Variants in KIAA1217 observed in about 807,000 individuals in gnomAD.
The protein encoded by KIAA1217 is sickle tail protein homolog.
In KIAA1217, 88 loss-of-function variants were observed where a neutral mutation model predicts 163.9. The ratio of observed to expected loss-of-function variants is 0.54; its 90% confidence interval spans 0.45 to 0.64. The LOEUF (loss-of-function observed/expected upper bound fraction) is 0.64, where lower values mean the gene tolerates loss of function less well. Among genes scored for constraint, KIAA1217 ranks in the 30% least tolerant of loss-of-function variants. KIAA1217 has a pLI of 0.00. For synonymous variants in KIAA1217, 903 were observed against 923.1 expected, an observed-to-expected ratio of 0.98 and a Z score of 0.39; for missense variants, 2,372 against 2,475.0, an observed-to-expected ratio of 0.96 and a Z score of 0.88.
At chr10:24,205,597 C>T (rs994957895), upstream of KIAA1217, among the ~76,000 whole-genome samples, 1 of 151,860 alleles carries the variant, frequency 6.6e-6, no homozygotes, top group Admixed American at 6.6e-5. Flanking sequence ...CACGGTGAAA[C>T]CCCATCTCTA....
chr10:23,873,708 C>T (rs1205757758), intron 1 of KIAA1217, among the ~76,000 whole-genome samples: 1 of 151,924 alleles, frequency 6.6e-6, no homozygotes. Context: ...CTCTCTCTCT[C>T]TTTCCCTCTG....
At chr10:24,223,319 C>T (rs553444237) in intron 2 of KIAA1217, among the ~76,000 whole-genome samples, 12 of 152,270 alleles carry the variant, frequency 7.9e-5, no homozygotes, top group African/African-American at 2.2e-4. Context: ...CACCAGAGAT[C>T]GGTGTAGACA....
intron 1 of KIAA1217, among the ~76,000 whole-genome samples, chr10:23,895,667 A>T (rs553447421): frequency 6.6e-6 from 1 of 152,132 alleles, no homozygotes; most frequent in African/African-American, 2.4e-5. Flanking sequence ...ACTGTAAATT[A>T]TGCTGCTATA....
At chr10:24,401,939 G>T (rs1369871741) in intron 3 of KIAA1217, among the ~76,000 whole-genome samples, 3 of 152,096 alleles carry the variant, frequency 2.0e-5, no homozygotes, top group Non-Finnish European at 4.4e-5. Flanking sequence ...AAAAAACACA[G>T]TACCATTTAC....
chr10:24,382,690 A>C (rs986500539), intron 3 of KIAA1217, among the ~76,000 whole-genome samples: 3 of 152,056 alleles, frequency 2.0e-5, no homozygotes, highest in Non-Finnish European at 4.4e-5. Context: ...TCCCATTAAC[A>C]TGATCTTACA....
intron 1 of KIAA1217, among the ~76,000 whole-genome samples, chr10:24,219,271 G>A (rs1284972145): frequency 8.6e-5 from 13 of 152,004 alleles, no homozygotes; most frequent in African/African-American, 2.7e-4. Context: ...GCACCACTAC[G>A]CCTGGCTAAT....
chr10:23,905,738 T>C lies in KIAA1217; in HGVS notation c.-320-101487T>C, dbSNP rs950377014. ...GACTATATCATTCACTAAACAGTAG[T>C]ATCATTACCACCATCCCCAATGACT... is the stretch of plus-strand genomic sequence containing the variant. On this transcript the variant is annotated intron_variant, in intron 1 of 18. Transcript: ENST00000376462. Among the ~76,000 whole-genome samples, 5 of 152,234 alleles carry C rather than the reference T, an allele frequency of 3.3e-5. No homozygotes were observed. In the East Asian group the frequency reaches 7.7e-4, roughly 24 times the overall value.
chr10:24,308,959 C>T lies in KIAA1217; in HGVS notation c.355-71910C>T, dbSNP rs547698504. 7.2e-5 allele frequency among the ~76,000 whole-genome samples: 11 copies of T among 151,914 alleles called. No homozygotes were observed. The South Asian group carries it at 2.1e-3, about 29-fold the overall frequency. On this transcript the variant is annotated intron_variant, in intron 2 of 20. Coordinates refer to ENST00000376454, the MANE Select transcript of KIAA1217 (RefSeq NM_019590.5). Reference sequence around the variant, plus strand: ...CCAACATGGTGAAATGCTGTCTCTACTAAAATTTCAAAAATTAGCTAGGCA... The same window carrying T: ...CCAACATGGTGAAATGCTGTCTCTATTAAAATTTCAAAAATTAGCTAGGCA...
chr10:23,716,621 C>T (rs1392853675), intron 1 of KIAA1217, among the ~76,000 whole-genome samples: 1 of 152,174 alleles, frequency 6.6e-6, no homozygotes, highest in Non-Finnish European at 1.5e-5. Flanking sequence ...TTCCCCACCT[C>T]CAGCCTGGAC....
At chr10:24,443,730 A>G (rs1476334992) in intron 5 of KIAA1217, among the ~76,000 whole-genome samples, 1 of 152,208 alleles carries the variant, frequency 6.6e-6, no homozygotes, top group Non-Finnish European at 1.5e-5. Context: ...ATCAGGAGAT[A>G]TTAAGGGATA....
At chr10:23,780,596 A>T (rs531626827) in intron 1 of KIAA1217, among the ~76,000 whole-genome samples, 2 of 152,340 alleles carry the variant, frequency 1.3e-5, no homozygotes, top group South Asian at 4.1e-4. Flanking sequence ...AAAAGGCAAG[A>T]TCTTCTTTCT....
intron 1 of KIAA1217, among the ~76,000 whole-genome samples, chr10:23,946,535 A>G (rs969852349): frequency 6.6e-6 from 1 of 152,212 alleles, no homozygotes; most frequent in Non-Finnish European, 1.5e-5. Flanking sequence ...TCAAGCAAAT[A>G]TAATTCATGT....
intron 2 of KIAA1217, among the ~76,000 whole-genome samples, chr10:24,119,276 A>G (rs1240535396): frequency 6.6e-6 from 1 of 152,228 alleles, no homozygotes; most frequent in Non-Finnish European, 1.5e-5. Flanking sequence ...TGAAAAGAGC[A>G]TTGTTGCCCT....
intron 5 of KIAA1217, among the ~76,000 whole-genome samples, chr10:24,446,712 C>T (rs981559082): frequency 2.0e-5 from 3 of 152,316 alleles, no homozygotes; most frequent in Non-Finnish European, 4.4e-5. Flanking sequence ...CTGTGCCAGT[C>T]ACCATACTGA....
intron 3 of KIAA1217, among the ~76,000 whole-genome samples, chr10:24,408,510 T>C (rs1185402677): frequency 6.6e-6 from 1 of 152,160 alleles, no homozygotes; most frequent in African/African-American, 2.4e-5. Context: ...CTATTCAATA[T>C]ACTGCGTGGC....
intron 1 of KIAA1217, chr10:24,007,124 T>C (rs1847035861): frequency 1.3e-5 from 2 of 151,620 alleles, no homozygotes; most frequent in African/African-American, 4.9e-5. Flanking sequence ...TATTTTATTC[T>C]TCAGTTTTTT....
intron 1 of KIAA1217, among the ~76,000 whole-genome samples, chr10:23,985,844 T>C (rs12782619): frequency 0.42 from 63,127 of 151,892 alleles, 15,442 homozygotes; most frequent in African/African-American, 0.69. Context: ...TCATTCAGAA[T>C]TTCCAACAAA....
intron 2 of KIAA1217, among the ~76,000 whole-genome samples, chr10:24,305,779 A>G (rs867592272): frequency 3.4e-4 from 52 of 152,276 alleles, no homozygotes; most frequent in Middle Eastern, 6.8e-3. Context: ...TTCTGTCAGG[A>G]CGTGTCATCT....
rs544468027 is a variant in KIAA1217 at position 23,795,708 on chromosome 10, C to T, written c.-321+100474C>T. Among the ~76,000 whole-genome samples, 6 of 152,262 alleles carry T rather than the reference C, an allele frequency of 3.9e-5. No homozygotes were observed. The East Asian group carries it at 5.8e-4, about 15-fold the overall frequency. On this transcript the variant is annotated intron_variant, in intron 1 of 18. Coordinates refer to the KIAA1217 transcript ENST00000376462. ...TTTGGCCTACAGGCATGACTCTCTT[C>T]GGGCCCATCAGGAAGAAATGCAAAA...
Sources: gnomAD v4.1 joint callset for allele counts (sites outside exome capture counted in the v4.1 genomes callset) on GRCh38, gnomAD v4.1.1 for gene constraint, MANE v1.5 for transcripts, NCBI Gene and HGNC (gene_info 2026-07-23, HGNC 2026-07-21) for gene names.